GOLM2: variants seen among roughly 807,000 people sequenced by gnomAD.
The protein encoded by GOLM2 is protein GOLM2.
Under a neutral mutation model 55.9 loss-of-function variants are expected in GOLM2, and 26 were observed. The observed-to-expected ratio is 0.47, with a 90% CI of 0.34 to 0.65. The LOEUF (loss-of-function observed/expected upper bound fraction) is 0.65, where lower values mean the gene tolerates loss of function less well. GOLM2 is among the 30% of genes least tolerant of loss of function. The probability of loss-of-function intolerance (pLI) is 0.01; values close to 1 mark genes in which losing one functional copy is unlikely to be tolerated. For synonymous variants in GOLM2, 165 were observed against 194.6 expected, an observed-to-expected ratio of 0.85 and a Z score of 1.27; for missense variants, 486 against 531.8, an observed-to-expected ratio of 0.91 and a Z score of 0.85.
chr15:44,365,457 G>A (rs1227446821), intron 6 of GOLM2, among the ~76,000 whole-genome samples: 1 of 152,088 alleles, frequency 6.6e-6, no homozygotes, highest in Non-Finnish European at 1.5e-5. Context: ...AGCCTGGGAA[G>A]TTGAGGCTGC....
rs1265297108 is a variant in GOLM2, at chr15:44,341,720, C to T, written c.802+3403C>T. Among the ~76,000 whole-genome samples the T allele has an allele frequency of 5.0e-5, 7 of 141,280 alleles. No homozygotes were observed. In the East Asian group the frequency reaches 8.1e-4, roughly 16 times the overall value. The allele number at this position is 141,280 out of a possible 152,430, so 92.7% of individuals were successfully genotyped here. On this transcript the variant is annotated intron_variant, in intron 6 of 9. Transcript: ENST00000299957. The stretch of plus-strand genomic sequence containing the variant: ...TTTTTTTTTTTTTTTTTTTTGAGAC[C>T]GAGTTTCACTCTGTCGTCCAGCCTG...
In GOLM2 at chr15:44,328,666, T is replaced by C; in HGVS notation, c.383-19T>C. The stretch of plus-strand genomic sequence containing the variant: ...AATGAGTGAACTTGATTCCTTTGGT[T>C]CTTACCTTGGGTGGATAGAGCAACT... On this transcript the variant is annotated intron_variant, in intron 2 of 9. Transcript: ENST00000299957. 1.3e-6 allele frequency: 2 copies of C among 1,586,600 alleles called. No individual in the cohort carries two copies. Among genetic ancestry groups the C allele is most frequent in the Non-Finnish European group, 1.7e-6 (2 of 1,161,222 alleles).
rs1240217124 is a variant in GOLM2 at position 44,333,339 on chromosome 15, T to TCTTTGGTAGCATCTCAA, written c.576+1264_576+1280dup. Among the ~76,000 whole-genome samples, 292 of 152,376 alleles carry TCTTTGGTAGCATCTCAA rather than the reference T, an allele frequency of 1.9e-3. 1 individual carries two copies. Among genetic ancestry groups the TCTTTGGTAGCATCTCAA allele is most frequent in the African/African-American group, 6.8e-3 (283 of 41,596 alleles). ...TAATAGTGAAAAGTATTTGTTTTGC[T>TCTTTGGTAGCATCTCAA]CTTTGGTAGCATCTCAACTAAAGGA... On this transcript the variant is annotated intron_variant, in intron 4 of 9. Coordinates refer to ENST00000299957, the MANE Select transcript of GOLM2 (RefSeq NM_138423.4).
At chr15:44,379,913 A>T (rs2079391040) in intron 7 of GOLM2, 125 bp downstream of exon 7, 1 of 491,136 alleles carries the variant, frequency 2.0e-6, no homozygotes. Flanking sequence ...AGGTAATGTT[A>T]TTTTTTTTTA....
chr15:44,343,469 C>T (rs2079102053), intron 6 of GOLM2, among the ~76,000 whole-genome samples: 1 of 151,908 alleles, frequency 6.6e-6, no homozygotes, highest in African/African-American at 2.4e-5. Flanking sequence ...AATGTAAGTT[C>T]TGGTGTATAT....
intron 1 of GOLM2, among the ~76,000 whole-genome samples, chr15:44,311,228 A>G (rs1056963423): frequency 1.8e-4 from 27 of 152,194 alleles, no homozygotes; most frequent in Non-Finnish European, 2.8e-4. Flanking sequence ...GGTATTTCTT[A>G]CCTTAACTGA....
intron 9 of GOLM2, 182 bp downstream of exon 9, chr15:44,403,236 C>T (rs765098293): frequency 1.3e-5 from 8 of 608,264 alleles, no homozygotes; most frequent in African/African-American, 3.7e-5. Flanking sequence ...GATCTTGGCT[C>T]ACCGCAACCT....
chr15:44,371,909 A>G (rs567037494), intron 6 of GOLM2, among the ~76,000 whole-genome samples: 4 of 152,356 alleles, frequency 2.6e-5, no homozygotes. Context: ...TAAATACTCC[A>G]GTATGTATTA....
intron 9 of GOLM2, among the ~76,000 whole-genome samples, chr15:44,410,572 TTA>T (rs1206313803): frequency 1.3e-5 from 2 of 152,068 alleles, no homozygotes; most frequent in Non-Finnish European, 2.9e-5. Flanking sequence ...ACCTAGTGGA[TTA>T]TACTATTTAA....
intron 6 of GOLM2, chr15:44,355,655 T>C: frequency 4.4e-6 from 1 of 225,944 alleles, no homozygotes; most frequent in Non-Finnish European, 9.0e-6. Flanking sequence ...AGCAACGGGG[T>C]GGTGGACCTC....
At position 44,318,271 on chromosome 15, in the gene GOLM2, C is replaced by A. The variant is rs757063205; in HGVS notation, c.328-4694C>A. Among the ~76,000 whole-genome samples the A allele has an allele frequency of 9.2e-5, 14 of 152,178 alleles. 1 individual carries two copies. The highest frequency in any genetic ancestry group is 7.9e-4 in the Admixed American group (12 of 15,266). ...TCCTTAGCTTCCTTCCCTACAAAAA[C>A]AGGCTCACAGGCCATAGTTTGCCCA... On this transcript the variant is annotated intron_variant, in intron 1 of 9. Transcript: ENST00000299957.
At chr15:44,341,691 A>ATTT (rs752182459) in intron 6 of GOLM2, among the ~76,000 whole-genome samples, 55 of 120,856 alleles carry the variant, frequency 4.6e-4, no homozygotes, top group African/African-American at 8.9e-4. Flanking sequence ...ATTTTATTAG[A>ATTT]TTTTTTTTTT....
chr15:44,391,304 G>A (rs529173454), intron 8 of GOLM2, among the ~76,000 whole-genome samples: 104 of 151,958 alleles, frequency 6.8e-4, no homozygotes, highest in Middle Eastern at 3.4e-3. Flanking sequence ...CACGAGGTCG[G>A]GAGATCGAGA....
At chr15:44,396,412 C>CGAGAAAA in intron 8 of GOLM2, among the ~76,000 whole-genome samples, 1 of 152,158 alleles carries the variant, frequency 6.6e-6, no homozygotes, top group East Asian at 1.9e-4. Context: ...GAAATGGCTA[C>CGAGAAAA]ATTTGCTTTC....
intron 1 of GOLM2, among the ~76,000 whole-genome samples, chr15:44,291,299 G>C (rs2078719391): frequency 6.6e-6 from 1 of 151,990 alleles, no homozygotes. Flanking sequence ...GTCTCTTTCA[G>C]TTTGTTTCAC....
chr15:44,352,361 A>G (rs1049854479), intron 6 of GOLM2, among the ~76,000 whole-genome samples: 1 of 152,222 alleles, frequency 6.6e-6, no homozygotes, highest in African/African-American at 2.4e-5. Context: ...GAAGCTGAAT[A>G]TCCATACACA....
At chr15:44,357,819 A>G (rs556603855) in intron 6 of GOLM2, among the ~76,000 whole-genome samples, 47 of 152,356 alleles carry the variant, frequency 3.1e-4, no homozygotes, top group African/African-American at 1.0e-3. Flanking sequence ...TCAAAATTCA[A>G]TTATTTAGGT....
At chr15:44,366,169 C>T (rs903258968) in intron 6 of GOLM2, among the ~76,000 whole-genome samples, 2 of 151,742 alleles carry the variant, frequency 1.3e-5, no homozygotes, top group Admixed American at 6.6e-5. Flanking sequence ...TGGTGGCGGG[C>T]GCCTGTAGTC....
intron 8 of GOLM2, among the ~76,000 whole-genome samples, chr15:44,381,754 G>C (rs1206547644): frequency 1.3e-5 from 2 of 152,162 alleles, no homozygotes. Context: ...TTGCGTGTAA[G>C]CTAATAATTG....
Sources: allele counts gnomAD v4.1 joint callset (sites outside exome capture counted in the v4.1 genomes callset), GRCh38; gene constraint gnomAD v4.1.1; transcripts MANE v1.5; gene names NCBI Gene and HGNC (gene_info 2026-07-23, HGNC 2026-07-21).